Variants in CHST9 observed in about 807,000 individuals in gnomAD.
The protein encoded by CHST9 is GalNAc-4-sulfotransferase 2.
Under a neutral mutation model 44.4 loss-of-function variants are expected in CHST9, and 41 were observed. That is an observed-to-expected ratio of 0.92 (90% CI 0.72 to 1.20). CHST9 has a LOEUF of 1.20. Ranked by LOEUF, CHST9 falls within the 50% of genes most tolerant of loss-of-function variation. The pLI is 0.00. For missense variants in CHST9, 504 were observed against 516.5 expected, an observed-to-expected ratio of 0.98 and a Z score of 0.23; for synonymous variants, 171 against 178.4, an observed-to-expected ratio of 0.96 and a Z score of 0.33.
At chr18:26,927,837 G>A (rs905568281) in intron 5 of CHST9, among the ~76,000 whole-genome samples, 1 of 152,016 alleles carries the variant, frequency 6.6e-6, no homozygotes, top group African/African-American at 2.4e-5. Flanking sequence ...GTCAGGCTGG[G>A]GGACGATCAG....
At chr18:27,169,943 A>G (rs1450516995) in intron 1 of CHST9, among the ~76,000 whole-genome samples, 1 of 152,082 alleles carries the variant, frequency 6.6e-6, no homozygotes, top group Non-Finnish European at 1.5e-5. Flanking sequence ...AAGAAGCAAA[A>G]CCAAGCCAAG....
intron 2 of CHST9, among the ~76,000 whole-genome samples, chr18:27,080,558 T>C (rs946941189): frequency 2.0e-5 from 3 of 152,182 alleles, no homozygotes; most frequent in Non-Finnish European, 4.4e-5. Flanking sequence ...GAGTTGCATA[T>C]AATAGGCATT....
At chr18:27,183,916 CAGAT>C (rs760463833) in intron 1 of CHST9, among the ~76,000 whole-genome samples, 2 of 152,000 alleles carry the variant, frequency 1.3e-5, no homozygotes, top group African/African-American at 2.4e-5. Flanking sequence ...AATCAGAAGA[CAGAT>C]AAATACTAAA....
At chr18:27,162,370 C>T (rs1467211216) in intron 1 of CHST9, among the ~76,000 whole-genome samples, 2 of 151,916 alleles carry the variant, frequency 1.3e-5, no homozygotes. Context: ...ACTTATGAAG[C>T]TTAGTTTGGC....
At chr18:26,953,802 C>T (rs1465308209) in intron 4 of CHST9, among the ~76,000 whole-genome samples, 1 of 152,140 alleles carries the variant, frequency 6.6e-6, no homozygotes, top group Non-Finnish European at 1.5e-5. Flanking sequence ...GCTCCTTTCT[C>T]CCAAAGAACT....
At chr18:27,106,915 C>T (rs2058226489) in intron 2 of CHST9, among the ~76,000 whole-genome samples, 2 of 152,118 alleles carry the variant, frequency 1.3e-5, no homozygotes, top group African/African-American at 4.8e-5. Flanking sequence ...TTTGGTTCCA[C>T]TTAAATATCT....
chr18:27,040,898 C>G (rs1014015011), intron 3 of CHST9, among the ~76,000 whole-genome samples: 1 of 152,110 alleles, frequency 6.6e-6, no homozygotes, highest in African/African-American at 2.4e-5. Context: ...TTGCACAAGC[C>G]AGGCTGAGGA....
At chr18:27,141,202 CA>C (rs963140532) in intron 2 of CHST9, among the ~76,000 whole-genome samples, 12 of 150,348 alleles carry the variant, frequency 8.0e-5, no homozygotes, top group Admixed American at 1.3e-4. Flanking sequence ...ACTAAAAATT[CA>C]AAAAAAAAGA....
At chr18:26,955,812 G>T (rs1264721746) in intron 4 of CHST9, among the ~76,000 whole-genome samples, 3 of 152,112 alleles carry the variant, frequency 2.0e-5, no homozygotes. Context: ...AGCTGCTGGG[G>T]GCCTGAAGGG....
Position 27,114,554 on chromosome 18 carries a change from A to G in CHST9, c.121+28135T>C, listed in dbSNP as rs116680715. On this transcript the variant is annotated intron_variant, in intron 2 of 5. Coordinates refer to ENST00000618847, the MANE Select transcript of CHST9 (RefSeq NM_031422.6). ...TGCACAGAGTTGTACAACCATCACC[A>G]CTATTTTATTTCAAAACACTTATCA... Among the ~76,000 whole-genome samples, 666 of 152,330 alleles carry G rather than the reference A, an allele frequency of 4.4e-3. 3 individuals carry two copies. Among genetic ancestry groups the G allele is most frequent in the African/African-American group, 0.016 (650 of 41,592 alleles).
chr18:26,966,969 C>A (rs912055328), intron 4 of CHST9, among the ~76,000 whole-genome samples: 2 of 150,932 alleles, frequency 1.3e-5, no homozygotes, highest in Non-Finnish European at 2.9e-5. Context: ...GTAGATATCT[C>A]GGGTTGGCCT....
At chr18:26,974,258 G>A (rs984519086) in intron 4 of CHST9, among the ~76,000 whole-genome samples, 1 of 152,242 alleles carries the variant, frequency 6.6e-6, no homozygotes, top group African/African-American at 2.4e-5. Flanking sequence ...AGTGGACACA[G>A]GCAGGCATGG....
chr18:26,956,332 T>TAA, intron 4 of CHST9, among the ~76,000 whole-genome samples: 1 of 138,502 alleles, frequency 7.2e-6, no homozygotes, highest in African/African-American at 3.0e-5. Context: ...AAAAAATATA[T>TAA]ATATATATAT....
In CHST9 at chr18:27,089,936, C is replaced by A. The variant is rs1487979928; in HGVS notation, c.122-41433G>T. On this transcript the variant is annotated intron_variant, in intron 2 of 5. Transcript: ENST00000618847. ...CGCCGTTCTCCTGCCTCAGCCTCCC[C>A]AGTAGCTGGGACTACAGGTGCCCAC... is the stretch of plus-strand genomic sequence containing the variant. Among the ~76,000 whole-genome samples, 5 of 151,850 alleles carry A rather than the reference C, an allele frequency of 3.3e-5. No individual in the cohort carries two copies. In the South Asian group the frequency reaches 6.3e-4, roughly 19 times the overall value.
intron 5 of CHST9, among the ~76,000 whole-genome samples, chr18:26,927,927 G>A (rs1202643641): frequency 2.6e-5 from 4 of 152,180 alleles, no homozygotes; most frequent in African/African-American, 9.7e-5. Context: ...TTCCTAGGCA[G>A]AGGTCCCTGC....
chr18:26,923,028 T>G lies in CHST9; in HGVS notation c.241-5678A>C, dbSNP rs189099985. On this transcript the variant is annotated intron_variant, in intron 5 of 5. Coordinates refer to ENST00000618847, the MANE Select transcript of CHST9 (RefSeq NM_031422.6). ...ACACTGATATGAATTATACTTTCTT[T>G]CTCCCCGTCAAAGTTGTTGAGCACC... 7.9e-5 allele frequency among the ~76,000 whole-genome samples: 12 copies of G among 152,312 alleles called. No homozygotes were observed. In the East Asian group the frequency reaches 2.3e-3, roughly 29 times the overall value.
At chr18:27,108,445 T>A (rs997719093) in intron 2 of CHST9, among the ~76,000 whole-genome samples, 6 of 152,218 alleles carry the variant, frequency 3.9e-5, no homozygotes, top group Admixed American at 1.3e-4. Flanking sequence ...TATTAAATTA[T>A]TTTTCACTTT....
At chr18:27,147,854 A>G (rs2058626090) in intron 1 of CHST9, 1 of 143,210 alleles carries the variant, frequency 7.0e-6, no homozygotes, top group African/African-American at 2.7e-5. Flanking sequence ...TCAATACTAT[A>G]CTATTTCTTT....
At chr18:27,006,380 C>T (rs1598632969) in intron 4 of CHST9, among the ~76,000 whole-genome samples, 1 of 152,126 alleles carries the variant, frequency 6.6e-6, no homozygotes, top group African/African-American at 2.4e-5. Context: ...GAACTTGATA[C>T]AAATAAGTAC....
Sources: gnomAD v4.1 joint callset for allele counts (sites outside exome capture counted in the v4.1 genomes callset) on GRCh38, gnomAD v4.1.1 for gene constraint, MANE v1.5 for transcripts, NCBI Gene and HGNC (gene_info 2026-07-23, HGNC 2026-07-21) for gene names.